The following FCRL3 variants were observed in gnomAD, a reference collection of about 807,000 sequenced individuals.
FCRL3 encodes the protein Fc receptor-like protein 3.
Under a neutral mutation model 75.0 loss-of-function variants are expected in FCRL3, and 89 were observed. The ratio of observed to expected loss-of-function variants is 1.19; its 90% CI spans 1.00 to 1.42. The LOEUF is 1.42. Among genes scored for constraint, FCRL3 ranks in the 40% most tolerant of loss-of-function variants. The pLI is 0.00. For synonymous variants in FCRL3, 376 were observed against 348.5 expected, an observed-to-expected ratio of 1.08 and a Z score of -0.88; for missense variants, 946 against 880.0, an observed-to-expected ratio of 1.07 and a Z score of -0.95.
Position 157,676,486 on chromosome 1 carries a change from T to C in FCRL3, c.*2224A>G, listed in dbSNP as rs773972079. ...AGAAAGACAGTGGAAACTGGTACTTTTTCCAATGGTCTTTTATTTTCAAAG... is the reference window on the plus strand; with the variant it reads ...AGAAAGACAGTGGAAACTGGTACTTCTTCCAATGGTCTTTTATTTTCAAAG... On this transcript the variant is annotated 3_prime_UTR_variant, in exon 15 of 15. Coordinates refer to ENST00000368184, the MANE Select transcript of FCRL3 (RefSeq NM_052939.4). The C allele has an allele frequency of 4.5e-6, 2 of 445,246 alleles. No homozygotes were observed. Among genetic ancestry groups the C allele is most frequent in the Non-Finnish European group, 8.1e-6 (2 of 246,764 alleles). The allele number at this position is 445,246 out of a possible 1,614,324, so 27.6% of individuals were successfully genotyped here.
Position 157,689,965 on chromosome 1 carries a change from T to C in FCRL3, c.1691-48A>G, listed in dbSNP as rs376741388. The C allele has an allele frequency of 1.1e-5, 18 of 1,607,858 alleles. No individual in the cohort carries two copies. The Admixed American group carries it at 1.2e-4, about 10-fold the overall frequency. On this transcript the variant is annotated intron_variant, in intron 9 of 14. Coordinates refer to ENST00000368184, the MANE Select transcript of FCRL3 (RefSeq NM_052939.4). ...GAGTTTCAGTGGCACAGGTTTTGGA[T>C]ACAGACAAAATCATGCAAGTAGGGT...
At position 157,678,454 on chromosome 1, in the gene FCRL3, C is replaced by T; in HGVS notation, c.*256G>A. ...CTCCTCTATTCGACAGCCCTAGGAGCTGAGGGCCCTCCTGCCTTGCCACGT... is the reference window on the plus strand; with the variant it reads ...CTCCTCTATTCGACAGCCCTAGGAGTTGAGGGCCCTCCTGCCTTGCCACGT... On this transcript the variant is annotated 3_prime_UTR_variant, in exon 15 of 15. Coordinates refer to ENST00000368184, the MANE Select transcript of FCRL3 (RefSeq NM_052939.4). The T allele has an allele frequency of 7.4e-7, 1 of 1,345,116 alleles. No individual in the cohort carries two copies. The highest frequency in any genetic ancestry group is 9.6e-7 in the Non-Finnish European group (1 of 1,045,486). The allele number at this position is 1,345,116 out of a possible 1,614,324, so 83.3% of individuals were successfully genotyped here.
At chr1:157,695,687 A>G in intron 7 of FCRL3, 80 bp from the exon 8 acceptor site, 1 of 1,451,404 alleles carries the variant, frequency 6.9e-7, no homozygotes, top group Non-Finnish European at 9.3e-7. Context: ...CTAGCAATGG[A>G]TATGTCCCTT....
intron 4 of FCRL3, chr1:157,698,162 C>T (rs1279922593): frequency 4.2e-6 from 3 of 721,006 alleles, no homozygotes; most frequent in Non-Finnish European, 4.5e-6. Flanking sequence ...GACTTGAACC[C>T]CTTTTTGCCT....
Position 157,677,415 on chromosome 1 carries a change from G to T in FCRL3, c.*1295C>A. ...CCTACATGAACCAAGTGAAGGCCTA[G>T]AATTGGCAACATTCAGAGATTAATG... On this transcript the variant is annotated 3_prime_UTR_variant, in exon 15 of 15. Transcript: ENST00000368184. 1 of 985,528 alleles carries T rather than the reference G, an allele frequency of 1.0e-6. No individual in the cohort carries two copies. Among genetic ancestry groups the T allele is most frequent in the Non-Finnish European group, 1.2e-6 (1 of 830,006 alleles). 61.0% of individuals were successfully genotyped at this position (985,528 alleles called of 1,614,324 possible).
Position 157,696,027 on chromosome 1 carries a change from A to T in FCRL3, c.1132+13T>A. On this transcript the variant is annotated intron_variant, in intron 7 of 14. Coordinates refer to ENST00000368184, the MANE Select transcript of FCRL3 (RefSeq NM_052939.4). Reference sequence around the variant, plus strand: ...TTGCAACTCGAGGCTGTGTGAAAGGAATCGGAACTTACTTCTCACGGTGAC... The same window carrying T: ...TTGCAACTCGAGGCTGTGTGAAAGGTATCGGAACTTACTTCTCACGGTGAC... 6.2e-7 allele frequency: 1 copy of T among 1,600,188 alleles called. No homozygotes were observed. The highest frequency in any genetic ancestry group is 8.5e-7 in the Non-Finnish European group (1 of 1,173,540).
chr1:157,678,275 C>T lies in FCRL3; in HGVS notation c.*435G>A, dbSNP rs549520668. 36 of 1,007,232 alleles carry T rather than the reference C, an allele frequency of 3.6e-5. No individual in the cohort carries two copies. In the South Asian group the frequency reaches 6.0e-4, roughly 17 times the overall value. The allele number at this position is 1,007,232 out of a possible 1,614,324, so 62.4% of individuals were successfully genotyped here. ...CAAGGATACAGCATATACACCAAAA[C>T]ATCAGCAATGCCACTACCAGCCACA... On this transcript the variant is annotated 3_prime_UTR_variant, in exon 15 of 15. Coordinates refer to ENST00000368184, the MANE Select transcript of FCRL3 (RefSeq NM_052939.4).
chr1:157,684,090 G>C (rs1025070668), intron 10 of FCRL3, among the ~76,000 whole-genome samples: 1 of 152,062 alleles, frequency 6.6e-6, no homozygotes, highest in Non-Finnish European at 1.5e-5. Context: ...TATTTACTTT[G>C]AGGACTTAAA....
Position 157,678,548 on chromosome 1 carries a change from A to G in FCRL3, c.*162T>C, listed in dbSNP as rs1654608159. On this transcript the variant is annotated 3_prime_UTR_variant, in exon 15 of 15. Coordinates refer to ENST00000368184, the MANE Select transcript of FCRL3 (RefSeq NM_052939.4). ...TGCTCTCTTCCTGGGGAACACACAG[A>G]TCAGGCACAGGGGAGATTTGCAGAC... 6.8e-7 allele frequency: 1 copy of G among 1,472,000 alleles called. No homozygotes were observed. Among genetic ancestry groups the G allele is most frequent in the African/African-American group, 1.4e-5 (1 of 70,946 alleles). 91.2% of individuals were successfully genotyped at this position (1,472,000 alleles called of 1,614,324 possible).
Position 157,680,728 on chromosome 1 carries a change from C to T in FCRL3, c.2000G>A (p.Ser667Asn). The T allele has an allele frequency of 6.2e-7, 1 of 1,614,068 alleles. No homozygotes were observed. Among genetic ancestry groups the T allele is most frequent in the Non-Finnish European group, 8.5e-7 (1 of 1,179,944 alleles). ...TGAGTTTTCTTTTGTATGCTGGATG[C>T]TCCAGATCTGGGAATAAATCGGGTT... is the stretch of plus-strand genomic sequence containing the variant. ...DSNPIYSQIW[S>N]IQHTKENSAN... Residue 667 changes from serine (S) to asparagine (N), a missense_variant, in exon 13 of 15, where the codon AGC becomes AAC. Coordinates refer to ENST00000368184, the MANE Select transcript of FCRL3 (RefSeq NM_052939.4).
chr1:157,678,917 A>G (rs761470120), intron 14 of FCRL3, 25 bp downstream of exon 14: 11 of 1,614,146 alleles, frequency 6.8e-6, no homozygotes, highest in Non-Finnish European at 8.5e-6. Context: ...CCAGAGAGGA[A>G]AGAAAGCCAA....
intron 10 of FCRL3, among the ~76,000 whole-genome samples, chr1:157,684,931 G>T (rs59306424): frequency 0.22 from 32,748 of 152,022 alleles, 3,903 homozygotes; most frequent in Middle Eastern, 0.37. Flanking sequence ...TGAGAAGGGA[G>T]ACTTTGCTAT....
At chr1:157,699,619 G>T (rs1475660853) in intron 3 of FCRL3, 73 bp downstream of exon 3, 1 of 1,528,606 alleles carries the variant, frequency 6.5e-7, no homozygotes, top group Non-Finnish European at 9.1e-7. Context: ...GCCTGCAAGG[G>T]TTAGGGCAGG....
Position 157,683,169 on chromosome 1 carries a change from A to T in FCRL3, c.1838+48T>A, listed in dbSNP as rs373927500. 12 of 1,596,342 alleles carry T rather than the reference A, an allele frequency of 7.5e-6. No individual in the cohort carries two copies. In the African/African-American group the frequency reaches 1.1e-4, roughly 14 times the overall value. Reference sequence around the variant, plus strand: ...AAAAACATAAACAAGTCTCGTGCATATAAATAAATCATGAAAATGTTGGCA... The same window carrying T: ...AAAAACATAAACAAGTCTCGTGCATTTAAATAAATCATGAAAATGTTGGCA... On this transcript the variant is annotated intron_variant, in intron 11 of 14. Transcript: ENST00000368184.
At chr1:157,698,751 GA>G in intron 3 of FCRL3, 122 bp from the exon 4 acceptor site, 1 of 961,012 alleles carries the variant, frequency 1.0e-6, no homozygotes. Context: ...GACCAGGGTG[GA>G]AAATTGAGCA....
chr1:157,699,567 C>G, intron 3 of FCRL3, 125 bp downstream of exon 3: 1 of 942,082 alleles, frequency 1.1e-6, no homozygotes, highest in Non-Finnish European at 1.6e-6. Flanking sequence ...AATATAGTAG[C>G]AGATGTGACC....
At chr1:157,699,041 C>G (rs1396871341) in intron 3 of FCRL3, among the ~76,000 whole-genome samples, 1 of 152,196 alleles carries the variant, frequency 6.6e-6, no homozygotes, top group African/African-American at 2.4e-5. Flanking sequence ...TTACTTCCTA[C>G]TTGTTAACAC....
intron 10 of FCRL3, among the ~76,000 whole-genome samples, chr1:157,688,277 T>C (rs1655300330): frequency 6.6e-6 from 1 of 152,142 alleles, no homozygotes; most frequent in African/African-American, 2.4e-5. Flanking sequence ...ACACTAATTA[T>C]ATTAACATAT....
chr1:157,693,227 A>G (rs1188392544), intron 8 of FCRL3, among the ~76,000 whole-genome samples: 1 of 145,790 alleles, frequency 6.9e-6, no homozygotes, highest in Non-Finnish European at 1.5e-5. Flanking sequence ...GTGAGCTGAG[A>G]TAGTGCAACT....
Sources: allele counts gnomAD v4.1 joint callset (sites outside exome capture counted in the v4.1 genomes callset), GRCh38; gene constraint gnomAD v4.1.1; transcripts MANE v1.5; gene names NCBI Gene and HGNC (gene_info 2026-07-23, HGNC 2026-07-21).